The following CDT1 variants were observed in gnomAD, a reference collection of about 807,000 sequenced individuals.
CDT1 encodes chromatin licensing and DNA replication factor 1, also known as DNA replication factor Cdt1.
Under a neutral mutation model 49.3 loss-of-function variants are expected in CDT1, and 66 were observed. The observed-to-expected ratio is 1.34, with a 90% confidence interval of 1.10 to 1.64. The LOEUF (loss-of-function observed/expected upper bound fraction) is 1.64, where lower values mean the gene tolerates loss of function less well. CDT1 is among the 40% of genes most tolerant of loss of function. The pLI is 0.00. For missense variants in CDT1, 958 were observed against 807.7 expected (o/e 1.19, Z -2.26); for synonymous variants, 424 against 347.4 (o/e 1.22, Z -2.45).
In CDT1 at chr16:88,804,527, T is replaced by C. The variant is rs755120855; in HGVS notation, c.229-18T>C. The C allele has an allele frequency of 3.1e-6, 5 of 1,610,626 alleles. No homozygotes were observed. The African/African-American group carries it at 6.7e-5, about 22-fold the overall frequency. On this transcript the variant is annotated intron_variant, in intron 1 of 9. Transcript: ENST00000301019. ...CCAGGTCTTGTCATGAGTTCACCCT[T>C]GGGGTCCCTCCCACCAGGTTTCCAG...
chr16:88,805,799 T>C lies in CDT1; in HGVS notation c.762T>C (p.Ser254=), dbSNP rs752224369. 3 of 1,613,160 alleles carry C rather than the reference T, an allele frequency of 1.9e-6. No individual in the cohort carries two copies. Among genetic ancestry groups the C allele is most frequent in the South Asian group, 1.1e-5 (1 of 91,082 alleles). Residue 254 remains serine, a synonymous_variant, in exon 5 of 10, where the codon AGT becomes AGC. Transcript: ENST00000301019. ...CCTACCGCTTCCGCCAGGAGCGCAG[T>C]GTCCCCACCTTCAAGGATGGCACCA... ...PASYRFRQER[S]VPTFKDGTRR...
chr16:88,806,168 T>G, intron 6 of CDT1, 47 bp downstream of exon 6: 2 of 1,451,554 alleles, frequency 1.4e-6, no homozygotes, highest in Middle Eastern at 3.4e-4. Flanking sequence ...GCACCAGCAC[T>G]GCCTCAGCAC....
chr16:88,805,870 G>T lies in CDT1; in HGVS notation c.832+1G>T, dbSNP rs587780305. On this transcript the variant is annotated splice_donor_variant, in intron 5 of 9. Transcript: ENST00000301019. LOFTEE classifies it high-confidence loss of function. ...ACCATCGAGCCACTGCTGGAGCAGG[G>T]TGAGTGCTGGGTGCGGGACCTCGGT... 3 of 1,612,884 alleles carry T rather than the reference G, an allele frequency of 1.9e-6. No homozygotes were observed. Among genetic ancestry groups the T allele is most frequent in the Non-Finnish European group, 2.5e-6 (3 of 1,179,920 alleles).
intron 1 of CDT1, 24 bp downstream of exon 1, chr16:88,804,083 G>A (rs888583551): frequency 2.0e-5 from 28 of 1,371,890 alleles, no homozygotes; most frequent in Non-Finnish European, 2.5e-5. Context: ...GGAGACTGAG[G>A]CCGGGGAGTT....
rs1463237618 is a variant in CDT1, at chr16:88,806,579, A to G, written c.1027A>G (p.Ile343Val). 1.2e-6 allele frequency: 2 copies of G among 1,608,746 alleles called. No homozygotes were observed. The highest frequency in any genetic ancestry group is 2.2e-5 in the South Asian group (2 of 90,458). ...PRFNVDEVPD[I>V]EPAALPQPPA... is the part of the protein sequence containing the mutation. ...CTTCAACGTGGATGAAGTACCCGACATCGAGCCGGCCGCGCTGCCCCAGCC... is the reference window on the plus strand; with the variant it reads ...CTTCAACGTGGATGAAGTACCCGACGTCGAGCCGGCCGCGCTGCCCCAGCC... The change falls in exon 7 of 10, where the codon ATC (isoleucine) becomes GTC (valine). Residue 343 changes from isoleucine (I) to valine (V), a missense_variant. Ile to Val is a conservative substitution (Grantham distance 29, BLOSUM62 3). Transcript: ENST00000301019.
At position 88,803,996 on chromosome 16, in the gene CDT1, C is replaced by T; in HGVS notation, c.165C>T (p.Ala55=). ...SGSRKRARPP[A]APGRDQARPP... Reference sequence around the variant, plus strand: ...GCCGCAAGCGCGCCCGCCCGCCCGCCGCCCCCGGACGCGACCAGGCCAGGC... The same window carrying T: ...GCCGCAAGCGCGCCCGCCCGCCCGCTGCCCCCGGACGCGACCAGGCCAGGC... Residue 55 remains alanine (A), a synonymous_variant, in exon 1 of 10, where the codon GCC becomes GCT. Coordinates refer to ENST00000301019, the MANE Select transcript of CDT1 (RefSeq NM_030928.4). 1.4e-6 allele frequency: 2 copies of T among 1,450,988 alleles called. No homozygotes were observed. The highest frequency in any genetic ancestry group is 2.6e-5 in the Admixed American group (1 of 38,668). The allele number at this position is 1,450,988 out of a possible 1,614,324, so 89.9% of individuals were successfully genotyped here.
Position 88,808,717 on chromosome 16 carries a change from G to C in CDT1, c.*439G>C. ...ACTTTTGTCATTAAGAAAGACTGGG[G>C]TGGGTGTGGTGGCTCACGCCTGTAA... is the stretch of plus-strand genomic sequence containing the variant. On this transcript the variant is annotated 3_prime_UTR_variant, in exon 10 of 10. Transcript: ENST00000301019. The C allele has an allele frequency of 5.0e-6, 1 of 200,718 alleles. No homozygotes were observed. The highest frequency in any genetic ancestry group is 8.4e-5 in the South Asian group (1 of 11,862). The allele number at this position is 200,718 out of a possible 1,614,324, so 12.4% of individuals were successfully genotyped here.
chr16:88,807,274 G>T lies in CDT1; in HGVS notation c.1276-7G>T, dbSNP rs746440469. ...GCCCACTAACCAGGTCCCGGTACCT[G>T]CTGCAGATCCGAGCCAAGGAGGCAC... On this transcript the variant is annotated splice_polypyrimidine_tract_variant and splice_region_variant and intron_variant, in intron 8 of 9. Coordinates refer to ENST00000301019, the MANE Select transcript of CDT1 (RefSeq NM_030928.4). 1.2e-5 allele frequency: 20 copies of T among 1,611,918 alleles called. No homozygotes were observed. The highest frequency in any genetic ancestry group is 1.6e-5 in the Non-Finnish European group (19 of 1,179,880).
rs147914553 is a variant in CDT1 at position 88,808,197 on chromosome 16, C to A, written c.1560C>A (p.Tyr520Ter). ...LSLHRIRTDT[Y>*]VKLDKAADLA... ...TCCACCGCATCCGCACCGACACCTACGTCAAGCTGGACAAGGCCGCGGACC... is the reference window on the plus strand; with the variant it reads ...TCCACCGCATCCGCACCGACACCTAAGTCAAGCTGGACAAGGCCGCGGACC... Residue 520 changes from tyrosine to a stop codon, truncating the protein, a stop_gained, in exon 10 of 10, where the codon TAC (tyrosine) becomes TAA (stop). Transcript: ENST00000301019. LOFTEE classifies it low-confidence loss of function (END_TRUNC). 1.3e-5 allele frequency: 21 copies of A among 1,612,642 alleles called. No individual in the cohort carries two copies. Among genetic ancestry groups the A allele is most frequent in the Non-Finnish European group, 1.7e-5 (20 of 1,179,926 alleles).
Position 88,807,006 on chromosome 16 carries a change from C to T in CDT1, c.1123-45C>T, listed in dbSNP as rs74035836. On this transcript the variant is annotated intron_variant, in intron 7 of 9. Transcript: ENST00000301019. ...ACTCCTGGGCAGACAGCCAGGGGCA[C>T]GTTGCATCTTGTGACCTCTCCAGTC... 5 of 1,611,468 alleles carry T rather than the reference C, an allele frequency of 3.1e-6. No homozygotes were observed. In the South Asian group the frequency reaches 4.4e-5, roughly 14 times the overall value.
chr16:88,806,446 C>T (rs762141594), intron 6 of CDT1, 40 bp from the exon 7 acceptor site: 3 of 1,601,068 alleles, frequency 1.9e-6, no homozygotes, highest in Non-Finnish European at 2.6e-6. Flanking sequence ...GCCCTTGTCT[C>T]AGATGTGCCC....
In CDT1 at chr16:88,808,197, C is replaced by T. The variant is rs147914553; in HGVS notation, c.1560C>T (p.Tyr520=). 44 of 1,612,760 alleles carry T rather than the reference C, an allele frequency of 2.7e-5. No homozygotes were observed. The East Asian group carries it at 6.0e-4, about 22-fold the overall frequency. ...TCCACCGCATCCGCACCGACACCTA[C>T]GTCAAGCTGGACAAGGCCGCGGACC... ...LSLHRIRTDT[Y]VKLDKAADLA... Residue 520 remains tyrosine, a synonymous_variant, in exon 10 of 10, where the codon TAC becomes TAT. Coordinates refer to ENST00000301019, the MANE Select transcript of CDT1 (RefSeq NM_030928.4).
chr16:88,805,683 G>A lies in CDT1; in HGVS notation c.687-41G>A, dbSNP rs775545437. ...TGTGGCTGTCCTGGAGTTGGGGGTGGGCCCGGGCCTGCCTCCTGAGCCGCC... is the reference window on the plus strand; with the variant it reads ...TGTGGCTGTCCTGGAGTTGGGGGTGAGCCCGGGCCTGCCTCCTGAGCCGCC... On this transcript the variant is annotated intron_variant, in intron 4 of 9. Transcript: ENST00000301019. The A allele has an allele frequency of 3.7e-6, 6 of 1,612,588 alleles. No individual in the cohort carries two copies. The Admixed American group carries it at 1.0e-4, about 27-fold the overall frequency.
At position 88,807,097 on chromosome 16, in the gene CDT1, G is replaced by C. The variant is rs754131326; in HGVS notation, c.1169G>C (p.Ser390Thr). 6.2e-7 allele frequency: 1 copy of C among 1,612,840 alleles called. No individual in the cohort carries two copies. The highest frequency in any genetic ancestry group is 2.2e-5 in the East Asian group (1 of 44,886). ...SQLALRSAAP[S>T]SPGSPRPALP... ...TTGGCCCTGCGCTCTGCTGCGCCCA[G>C]CAGCCCCGGGTCTCCCAGGCCAGCA... The change falls in exon 8 of 10, where the codon AGC becomes ACC. Residue 390 changes from serine (S) to threonine (T), a missense_variant. By Grantham distance (58) the Ser-to-Thr change is moderately conservative. Transcript: ENST00000301019.
At chr16:88,808,008 G>T in intron 9 of CDT1, 107 bp from the exon 10 acceptor site, 1 of 1,294,426 alleles carries the variant, frequency 7.7e-7, no homozygotes, top group Non-Finnish European at 1.1e-6. Flanking sequence ...GGGGCCCTGA[G>T]GGCGACCAGG....
chr16:88,805,993 G>C (rs753021467), intron 5 of CDT1, 28 bp from the exon 6 acceptor site: 8 of 1,578,486 alleles, frequency 5.1e-6, no homozygotes, highest in Non-Finnish European at 6.9e-6. Flanking sequence ...TGGCCTGGTG[G>C]GGACTTAGGC....
chr16:88,803,949 C>T lies in CDT1; in HGVS notation c.118C>T (p.Pro40Ser). 7.1e-7 allele frequency: 1 copy of T among 1,409,248 alleles called. No individual in the cohort carries two copies. The highest frequency in any genetic ancestry group is 9.2e-7 in the Non-Finnish European group (1 of 1,082,778). The allele number at this position is 1,409,248 out of a possible 1,614,324, so 87.3% of individuals were successfully genotyped here. A position where few individuals can be genotyped will look rare whatever the true frequency, so the allele number is the denominator to read the frequency against. The part of the protein sequence containing the change: ...PSPARPALRA[P>S]ASATSGSRKR... ...CCCCGCCAGGCCCGCACTCCGCGCC[C>T]CGGCCTCCGCTACCAGTGGCAGCCG... is the stretch of plus-strand genomic sequence containing the variant. The change falls in exon 1 of 10, where the codon CCG becomes TCG. Residue 40 changes from proline (P) to serine (S), a missense_variant. Transcript: ENST00000301019.
rs999339323 is a variant in CDT1 at position 88,808,285 on chromosome 16, G to A, written c.*7G>A. The A allele has an allele frequency of 6.3e-6, 10 of 1,577,684 alleles. No individual in the cohort carries two copies. Among genetic ancestry groups the A allele is most frequent in the Non-Finnish European group, 7.7e-6 (9 of 1,162,112 alleles). ...TGCTGAGGAGGGGCTGTGAGCCTGGGGGCCACTGTGGACAGACGTGGGCTT... is the reference window on the plus strand; with the variant it reads ...TGCTGAGGAGGGGCTGTGAGCCTGGAGGCCACTGTGGACAGACGTGGGCTT... On this transcript the variant is annotated 3_prime_UTR_variant, in exon 10 of 10. Transcript: ENST00000301019.
In CDT1 at chr16:88,806,135, G is replaced by C; in HGVS notation, c.933+14G>C. On this transcript the variant is annotated intron_variant, in intron 6 of 9. Coordinates refer to ENST00000301019, the MANE Select transcript of CDT1 (RefSeq NM_030928.4). ...GAGCACCACAAGGTGAGCGGCCCCCGGCCCCGCTGTGTGAAGATGGTGGCA... is the reference window on the plus strand; with the variant it reads ...GAGCACCACAAGGTGAGCGGCCCCCCGCCCCGCTGTGTGAAGATGGTGGCA... The C allele has an allele frequency of 1.3e-6, 2 of 1,575,186 alleles. No individual in the cohort carries two copies. Among genetic ancestry groups the C allele is most frequent in the Non-Finnish European group, 1.7e-6 (2 of 1,165,250 alleles).
Sources: allele counts gnomAD v4.1 joint callset, GRCh38; gene constraint gnomAD v4.1.1; transcripts MANE v1.5; gene names NCBI Gene and HGNC (gene_info 2026-07-23, HGNC 2026-07-21).